The following EXOC3 variants were observed in gnomAD, a reference collection of about 807,000 sequenced individuals.
EXOC3 encodes SEC6-like 1.
Under a neutral mutation model 73.7 loss-of-function variants are expected in EXOC3, and 21 were observed. The ratio of observed to expected loss-of-function variants is 0.29; its 90% CI spans 0.20 to 0.41. The LOEUF is 0.41. Ranked by LOEUF, EXOC3 falls within the 10% of genes least tolerant of loss-of-function variation. The probability of loss-of-function intolerance (pLI) is 1.00; values close to 1 mark genes in which losing one functional copy is unlikely to be tolerated. For missense variants in EXOC3, 842 were observed against 985.1 expected, an observed-to-expected ratio of 0.85 and a Z score of 1.95; for synonymous variants, 410 against 389.1, an observed-to-expected ratio of 1.05 and a Z score of -0.63.
chr5:458,676 C>T (rs958789996), intron 6 of EXOC3, among the ~76,000 whole-genome samples: 4 of 152,182 alleles, frequency 2.6e-5, no homozygotes, highest in Admixed American at 2.0e-4. Flanking sequence ...CGCCCTGTGT[C>T]CCGTTTTTCC....
At position 466,740 on chromosome 5, in the gene EXOC3, G is replaced by C; in HGVS notation, c.2080G>C (p.Gly694Arg). 6.2e-7 allele frequency: 1 copy of C among 1,612,798 alleles called. No individual in the cohort carries two copies. Among genetic ancestry groups the C allele is most frequent in the South Asian group, 1.1e-5 (1 of 91,042 alleles). The change falls in exon 13 of 13, where the codon GGT becomes CGT. Residue 694 changes from glycine (G) to arginine (R), a missense_variant. By Grantham distance (125) the Gly-to-Arg change is moderately radical. Coordinates refer to ENST00000512944, the MANE Select transcript of EXOC3 (RefSeq NM_007277.5). ...CCCCATCCCCAGGGATGACCACATC[G>C]GTGCGCTGCTGGCTGTGCGTGGGGA... ...KYPDIRDDHI[G>R]ALLAVRGDAS...
At chr5:456,826 C>T in intron 4 of EXOC3, 63 bp from the exon 5 acceptor site, 1 of 1,261,870 alleles carries the variant, frequency 7.9e-7, no homozygotes, top group Non-Finnish European at 1.2e-6. Context: ...AGTCTCGGCA[C>T]ACTTGGGCAT....
At chr5:464,516 C>A in intron 10 of EXOC3, 104 bp downstream of exon 10, 1 of 1,293,428 alleles carries the variant, frequency 7.7e-7, no homozygotes, top group Non-Finnish European at 1.1e-6. Context: ...AGTGAACGTT[C>A]ACTTGTTGTC....
At chr5:463,577 A>C (rs1579745295) in intron 9 of EXOC3, among the ~76,000 whole-genome samples, 1 of 152,212 alleles carries the variant, frequency 6.6e-6, no homozygotes, top group East Asian at 1.9e-4. Flanking sequence ...TGGGTTTTTG[A>C]GGGCAGCTTG....
chr5:464,218 TC>T (rs1408478598), intron 9 of EXOC3, 71 bp from the exon 10 acceptor site: 4 of 1,513,384 alleles, frequency 2.6e-6, no homozygotes, highest in Non-Finnish European at 3.6e-6. Context: ...AGGAAGTGCC[TC>T]CCTCCCACAT....
Position 467,006 on chromosome 5 carries a change from C to A in EXOC3, c.*108C>A. The A allele has an allele frequency of 8.5e-7, 1 of 1,178,882 alleles. No individual in the cohort carries two copies. The highest frequency in any genetic ancestry group is 1.2e-6 in the Non-Finnish European group (1 of 840,960). 73.0% of individuals were successfully genotyped at this position (1,178,882 alleles called of 1,614,324 possible). A position where few individuals can be genotyped will look rare whatever the true frequency, so the allele number is the denominator to read the frequency against. ...GCCACACGTGCTCCTTTTAGCTGCA[C>A]GGCCTGTCTTTAGGTGCCAGTGTGA... On this transcript the variant is annotated 3_prime_UTR_variant, in exon 13 of 13. Transcript: ENST00000512944.
chr5:446,684 C>T (rs765407333), intron 2 of EXOC3, among the ~76,000 whole-genome samples: 8 of 152,072 alleles, frequency 5.3e-5, no homozygotes, highest in Admixed American at 2.0e-4. Flanking sequence ...ATGGTGAAAC[C>T]CTGTCTCTAT....
chr5:460,944 A>G (rs1737964730), intron 7 of EXOC3, among the ~76,000 whole-genome samples: 1 of 152,202 alleles, frequency 6.6e-6, no homozygotes, highest in Non-Finnish European at 1.5e-5. Context: ...AAAAATAGAA[A>G]CGGTATTTGT....
intron 5 of EXOC3, 112 bp downstream of exon 5, chr5:457,118 G>A: frequency 1.4e-6 from 1 of 736,748 alleles, no homozygotes; most frequent in Non-Finnish European, 2.4e-6. Context: ...GACTTCCTAG[G>A]ATGCATTGCT....
rs1737378733 is a variant in EXOC3, at chr5:443,212, G to A, written c.-135G>A. 1 of 142,052 alleles carries A rather than the reference G, an allele frequency of 7.0e-6. No individual in the cohort carries two copies. The highest frequency in any genetic ancestry group is 1.8e-4 in the East Asian group (1 of 5,482). The allele number at this position is 142,052 out of a possible 1,614,324, so 8.8% of individuals were successfully genotyped here. A position where few individuals can be genotyped will look rare whatever the true frequency, so the allele number is the denominator to read the frequency against. ...GGACCCCGGAGGCGGAGGCAGCGAA[G>A]GCGGAGGGGGCGGCGGGGGCGGCGG... On this transcript the variant is annotated 5_prime_UTR_variant, in exon 1 of 13. Transcript: ENST00000512944.
At chr5:444,756 G>A (rs1737454559) in intron 1 of EXOC3, among the ~76,000 whole-genome samples, 1 of 95,866 alleles carries the variant, frequency 1.0e-5, no homozygotes, top group South Asian at 3.1e-4. Flanking sequence ...CTGAGTGGTG[G>A]GATATAGCGG....
intron 12 of EXOC3, chr5:466,076 C>A (rs548226332): frequency 3.7e-5 from 14 of 378,542 alleles, no homozygotes; most frequent in Non-Finnish European, 6.5e-5. Context: ...AGGGGCACAT[C>A]CCGGGTGGGG....
At chr5:460,483 A>G (rs1579742798) in intron 7 of EXOC3, among the ~76,000 whole-genome samples, 1 of 152,344 alleles carries the variant, frequency 6.6e-6, no homozygotes, top group East Asian at 1.9e-4. Flanking sequence ...GCCCACTCAG[A>G]GTTCCCATTT....
At chr5:454,077 G>A (rs765348490) in intron 4 of EXOC3, 26 bp downstream of exon 4, 4 of 1,552,130 alleles carry the variant, frequency 2.6e-6, no homozygotes, top group South Asian at 2.4e-5. Context: ...CGCCTGTGTT[G>A]GCTCTTAGGT....
At chr5:463,237 T>G (rs1337737972) in intron 9 of EXOC3, among the ~76,000 whole-genome samples, 1 of 152,204 alleles carries the variant, frequency 6.6e-6, no homozygotes, top group Non-Finnish European at 1.5e-5. Context: ...CAGAAATGTG[T>G]GTGGAAGTGT....
At chr5:445,854 G>A (rs1737491466) in intron 1 of EXOC3, among the ~76,000 whole-genome samples, 1 of 152,208 alleles carries the variant, frequency 6.6e-6, no homozygotes, top group African/African-American at 2.4e-5. Flanking sequence ...ATGTGCCTTT[G>A]AGGCTGACAT....
chr5:456,944 G>T lies in EXOC3; in HGVS notation c.1102G>T (p.Glu368Ter). ...LAPEVDVGTL[E>*]PLLSPHVVSE... is the part of the protein sequence containing the mutation. ...CCCGGAAGTGGATGTCGGCACCCTG[G>T]AGCCATTGCTTTCTCCACACGTGGT... The change falls in exon 5 of 13, where the codon GAG (glutamate) becomes TAG (stop). Residue 368 changes from glutamate to a stop codon, truncating the protein, a stop_gained. Coordinates refer to ENST00000512944, the MANE Select transcript of EXOC3 (RefSeq NM_007277.5). LOFTEE classifies it high-confidence loss of function. 1 of 1,614,070 alleles carries T rather than the reference G, an allele frequency of 6.2e-7. No homozygotes were observed. Among genetic ancestry groups the T allele is most frequent in the Non-Finnish European group, 8.5e-7 (1 of 1,179,894 alleles).
At chr5:454,614 A>G (rs1258265818) in intron 4 of EXOC3, among the ~76,000 whole-genome samples, 1 of 152,224 alleles carries the variant, frequency 6.6e-6, no homozygotes, top group African/African-American at 2.4e-5. Flanking sequence ...TCCTAGTACG[A>G]GGTTTTGTCA....
At chr5:463,060 G>A (rs1427412662) in intron 9 of EXOC3, among the ~76,000 whole-genome samples, 2 of 152,130 alleles carry the variant, frequency 1.3e-5, no homozygotes, top group Middle Eastern at 3.2e-3. Flanking sequence ...AGCAGAGATC[G>A]CGCCATTGCA....
Sources: gnomAD v4.1 joint callset for allele counts (sites outside exome capture counted in the v4.1 genomes callset) on GRCh38, gnomAD v4.1.1 for gene constraint, MANE v1.5 for transcripts, NCBI Gene and HGNC (gene_info 2026-07-23, HGNC 2026-07-21) for gene names.